CFAP54: variants seen among roughly 807,000 people sequenced by gnomAD.
CFAP54 encodes cilia and flagella associated protein 54.
In CFAP54, 290 loss-of-function variants were observed where a neutral mutation model predicts 370.4. The observed-to-expected ratio is 0.78, with a 90% CI of 0.71 to 0.86. The LOEUF is 0.86. Among genes scored for constraint, CFAP54 ranks in the 40% least tolerant of loss-of-function variants. The probability of loss-of-function intolerance (pLI) is 0.00; values close to 1 mark genes in which losing one functional copy is unlikely to be tolerated. For missense variants in CFAP54, 3,399 were observed against 3,528.7 expected (o/e 0.96, Z 0.93); for synonymous variants, 1,206 against 1,236.5 (o/e 0.98, Z 0.52).
At chr12:96,574,069 C>A (rs1000044297) in intron 19 of CFAP54, among the ~76,000 whole-genome samples, 26 of 152,206 alleles carry the variant, frequency 1.7e-4, no homozygotes, top group Admixed American at 1.7e-3. Flanking sequence ...ATCTCAATTT[C>A]GACCAGGCTT....
At chr12:96,588,270 T>C (rs552943367) in intron 22 of CFAP54, among the ~76,000 whole-genome samples, 124 of 152,290 alleles carry the variant, frequency 8.1e-4, no homozygotes, top group African/African-American at 2.7e-3. Flanking sequence ...TTACTGGACC[T>C]TTTGGAGATT....
intron 44 of CFAP54, among the ~76,000 whole-genome samples, chr12:96,693,227 A>AT: frequency 6.6e-6 from 1 of 152,316 alleles, no homozygotes; most frequent in Middle Eastern, 3.4e-3. Context: ...TGTTATAAAT[A>AT]TTTTTTGTTG....
intron 6 of CFAP54, among the ~76,000 whole-genome samples, chr12:96,521,464 A>G (rs1172992365): frequency 6.6e-6 from 1 of 151,578 alleles, no homozygotes. Context: ...ACAGCATGTC[A>G]TGATAGGAAG....
intron 42 of CFAP54, among the ~76,000 whole-genome samples, chr12:96,687,215 G>A (rs1401579453): frequency 6.6e-6 from 1 of 152,104 alleles, no homozygotes; most frequent in African/African-American, 2.4e-5. Flanking sequence ...GACGATCCAG[G>A]ATAATCTTCC....
intron 66 of CFAP54, among the ~76,000 whole-genome samples, chr12:96,844,157 C>A (rs556393721): frequency 2.0e-5 from 3 of 152,252 alleles, no homozygotes; most frequent in South Asian, 4.1e-4. Flanking sequence ...CACATCCTAA[C>A]CCCCAGAATC....
chr12:96,559,448 C>G (rs1489475255), intron 17 of CFAP54, among the ~76,000 whole-genome samples: 1 of 152,066 alleles, frequency 6.6e-6, no homozygotes, highest in Non-Finnish European at 1.5e-5. Context: ...TTCCCTCCAA[C>G]TTTTTATTTA....
intron 35 of CFAP54, 62 bp from the exon 36 acceptor site, chr12:96,651,526 G>A (rs1956857294): frequency 7.7e-7 from 1 of 1,306,264 alleles, no homozygotes; most frequent in Non-Finnish European, 1.1e-6. Context: ...AAAAGATGAA[G>A]TTGTTCAGAG....
intron 29 of CFAP54, among the ~76,000 whole-genome samples, chr12:96,626,215 C>T (rs1430788237): frequency 6.6e-6 from 1 of 151,986 alleles, no homozygotes; most frequent in African/African-American, 2.4e-5. Context: ...GAAGCCCCGT[C>T]TCTACTAAAA....
At chr12:96,610,155 T>C (rs112352766) in intron 26 of CFAP54, among the ~76,000 whole-genome samples, 3 of 152,350 alleles carry the variant, frequency 2.0e-5, no homozygotes, top group Non-Finnish European at 4.4e-5. Context: ...CCCCTAAGTC[T>C]ACAGAAGAAA....
intron 22 of CFAP54, among the ~76,000 whole-genome samples, chr12:96,582,117 G>A (rs978886949): frequency 6.6e-6 from 1 of 152,134 alleles, no homozygotes; most frequent in African/African-American, 2.4e-5. Context: ...CATCTGTGAA[G>A]CAAGAGTAGC....
At chr12:96,525,773 C>T (rs552838705) in intron 8 of CFAP54, among the ~76,000 whole-genome samples, 33 of 152,306 alleles carry the variant, frequency 2.2e-4, no homozygotes, top group Middle Eastern at 3.4e-3. Context: ...TCACTGCAAC[C>T]TCTGCCTCCT....
intron 65 of CFAP54, among the ~76,000 whole-genome samples, chr12:96,825,572 TATA>T (rs1565992836): frequency 8.4e-6 from 1 of 118,654 alleles, no homozygotes; most frequent in Admixed American, 1.0e-4. Context: ...TATATTTACC[TATA>T]ATAATTATAT....
chr12:96,852,555 A>G (rs1290479822), intron 66 of CFAP54, among the ~76,000 whole-genome samples: 1 of 152,118 alleles, frequency 6.6e-6, no homozygotes, highest in Non-Finnish European at 1.5e-5. Flanking sequence ...AAGATAAAAC[A>G]ATAAAGCTAG....
intron 26 of CFAP54, among the ~76,000 whole-genome samples, chr12:96,609,570 A>T (rs1018006327): frequency 4.6e-5 from 7 of 152,174 alleles, no homozygotes; most frequent in Non-Finnish European, 7.3e-5. Context: ...CAGTATTTTT[A>T]GAGGTTCTTT....
At chr12:96,660,124 T>C (rs11108625) in intron 38 of CFAP54, among the ~76,000 whole-genome samples, 18,777 of 152,208 alleles carry the variant, frequency 0.12, 1,254 homozygotes, top group African/African-American at 0.19. Context: ...TCTAGAAGAC[T>C]TCTTGGAGAT....
At chr12:96,607,900 A>C (rs1441248395) in intron 26 of CFAP54, among the ~76,000 whole-genome samples, 1 of 152,150 alleles carries the variant, frequency 6.6e-6, no homozygotes, top group Admixed American at 6.5e-5. Context: ...TATCCAGGAA[A>C]GATATCATTC....
intron 55 of CFAP54, among the ~76,000 whole-genome samples, chr12:96,747,500 C>T (rs1275972598): frequency 2.0e-5 from 3 of 152,176 alleles, no homozygotes; most frequent in Non-Finnish European, 4.4e-5. Context: ...AAGCATTTAG[C>T]ACCAAGTACC....
In CFAP54 at chr12:96,535,594, TC is replaced by T. The variant is rs1440956172; in HGVS notation, c.1789del (p.Gln597ArgfsTer14). 1.3e-6 allele frequency: 2 copies of T among 1,531,956 alleles called. No homozygotes were observed. The highest frequency in any genetic ancestry group is 3.9e-5 in the Admixed American group (2 of 50,804). 94.9% of individuals were successfully genotyped at this position (1,531,956 alleles called of 1,614,324 possible). ...CCTTGTATGTCTGTGTCTGCACTGC[TC>T]CCCAGGTGAAATAGCTATTTTAAAT... ...ATLYVCVCTA[P>X]QDVQPDKEIV... On this transcript the variant is annotated frameshift_variant, in exon 12 of 68. Transcript: ENST00000524981. LOFTEE classifies it high-confidence loss of function.
intron 52 of CFAP54, 87 bp from the exon 53 acceptor site, chr12:96,743,315 T>G: frequency 1.5e-6 from 2 of 1,319,298 alleles, no homozygotes; most frequent in Non-Finnish European, 2.1e-6. Flanking sequence ...TTACACAATA[T>G]TTCTGTGATG....
Sources: allele counts gnomAD v4.1 joint callset (sites outside exome capture counted in the v4.1 genomes callset), GRCh38; gene constraint gnomAD v4.1.1; transcripts MANE v1.5; gene names NCBI Gene and HGNC (gene_info 2026-07-23, HGNC 2026-07-21).